Variants in EPHA6 observed in about 807,000 individuals in gnomAD.
EPHA6 encodes the protein EPH receptor A6, also known as ephrin type-A receptor 6.
EPHA6 carries 50 observed loss-of-function variants against 112.0 expected under a neutral mutation model. The ratio of observed to expected loss-of-function variants is 0.45; its 90% CI spans 0.36 to 0.56. The LOEUF is 0.56. EPHA6 is among the 20% of genes least tolerant of loss of function. The pLI, the probability that EPHA6 is intolerant of heterozygous loss-of-function variation, is 0.00. For synonymous variants in EPHA6, 529 were observed against 490.7 expected (o/e 1.08, Z -1.03); for missense variants, 1,280 against 1,417.4 (o/e 0.90, Z 1.56).
chr3:96,837,875 C>T (rs1348089338), intron 1 of EPHA6, among the ~76,000 whole-genome samples: 1 of 151,396 alleles, frequency 6.6e-6, no homozygotes, highest in Non-Finnish European at 1.5e-5. Flanking sequence ...TTTAAATTTC[C>T]AAATTTTACT....
chr3:96,829,923 A>G (rs1010319818), intron 1 of EPHA6, among the ~76,000 whole-genome samples: 4 of 148,494 alleles, frequency 2.7e-5, no homozygotes, highest in African/African-American at 1.0e-4. Flanking sequence ...GTCTGTATAC[A>G]CATGCACGTG....
At chr3:97,465,583 G>A (rs898031386) in intron 7 of EPHA6, among the ~76,000 whole-genome samples, 3 of 151,996 alleles carry the variant, frequency 2.0e-5, no homozygotes, top group Admixed American at 6.6e-5. Flanking sequence ...GTGTTCTTCA[G>A]AACAGGCTTC....
chr3:97,723,604 G>A (rs948066524), intron 15 of EPHA6, among the ~76,000 whole-genome samples: 1 of 152,162 alleles, frequency 6.6e-6, no homozygotes, highest in South Asian at 2.1e-4. Flanking sequence ...ACTAGGTAGG[G>A]TTTAAGCTGT....
intron 3 of EPHA6, among the ~76,000 whole-genome samples, chr3:97,128,581 T>C (rs2048246750): frequency 1.3e-5 from 2 of 152,136 alleles, no homozygotes; most frequent in South Asian, 2.1e-4. Flanking sequence ...TGCAGTAGCA[T>C]GATCTCGGCT....
At chr3:96,945,291 A>G (rs1390941959) in intron 2 of EPHA6, among the ~76,000 whole-genome samples, 1 of 152,158 alleles carries the variant, frequency 6.6e-6, no homozygotes, top group Non-Finnish European at 1.5e-5. Context: ...GTTTTCCTGT[A>G]TAGACCTGTG....
At chr3:97,283,846 G>T (rs2080373681) in intron 5 of EPHA6, among the ~76,000 whole-genome samples, 1 of 152,092 alleles carries the variant, frequency 6.6e-6, no homozygotes, top group Non-Finnish European at 1.5e-5. Flanking sequence ...ATGTTATAGA[G>T]ACTAAGTTAA....
At chr3:97,325,770 A>T (rs2082390223) in intron 5 of EPHA6, among the ~76,000 whole-genome samples, 1 of 151,940 alleles carries the variant, frequency 6.6e-6, no homozygotes, top group Admixed American at 6.6e-5. Flanking sequence ...TGAAATTCAT[A>T]CTCCTATGGG....
rs539841427 is a variant in EPHA6, at chr3:97,073,179, G to A, written c.1114+85186G>A. ...AAATAAGAAATTACAGATGTATGAT[G>A]TGTACATCTGCCTTATGAGATTTTT... is the stretch of plus-strand genomic sequence containing the variant. On this transcript the variant is annotated intron_variant, in intron 3 of 17. Coordinates refer to ENST00000389672, the MANE Select transcript of EPHA6 (RefSeq NM_001080448.3). Among the ~76,000 whole-genome samples, 8 of 152,264 alleles carry A rather than the reference G, an allele frequency of 5.3e-5. No homozygotes were observed. The South Asian group carries it at 1.2e-3, about 24-fold the overall frequency.
At chr3:97,172,503 A>G (rs968905375) in intron 3 of EPHA6, among the ~76,000 whole-genome samples, 4 of 152,026 alleles carry the variant, frequency 2.6e-5, no homozygotes, top group Non-Finnish European at 5.9e-5. Flanking sequence ...AAAATCTGTT[A>G]TTGGTACTTG....
intron 14 of EPHA6, among the ~76,000 whole-genome samples, chr3:97,651,392 GA>G (rs1266167295): frequency 2.0e-5 from 3 of 151,952 alleles, no homozygotes; most frequent in Non-Finnish European, 4.4e-5. Flanking sequence ...AGCAGAGGGG[GA>G]AAGTCTCTAA....
intron 2 of EPHA6, among the ~76,000 whole-genome samples, chr3:96,897,570 T>G (rs1302326919): frequency 6.6e-6 from 1 of 152,246 alleles, no homozygotes; most frequent in South Asian, 2.1e-4. Context: ...CCTCAAAATA[T>G]GCTCTTTTGC....
At chr3:96,816,542 G>A (rs578178445) in intron 1 of EPHA6, among the ~76,000 whole-genome samples, 90 of 152,156 alleles carry the variant, frequency 5.9e-4, no homozygotes, top group South Asian at 6.2e-4. Context: ...TTTAATAATT[G>A]GAAAGTCAGA....
intron 5 of EPHA6, among the ~76,000 whole-genome samples, chr3:97,280,070 G>C (rs1015372086): frequency 6.6e-6 from 1 of 152,170 alleles, no homozygotes; most frequent in Non-Finnish European, 1.5e-5. Context: ...ATTTTTAGTA[G>C]AGACAGAGTT....
At chr3:97,704,824 A>G (rs967351762) in intron 14 of EPHA6, among the ~76,000 whole-genome samples, 2 of 152,176 alleles carry the variant, frequency 1.3e-5, no homozygotes, top group African/African-American at 2.4e-5. Flanking sequence ...GGGAAATATT[A>G]AATCATGACT....
intron 2 of EPHA6, among the ~76,000 whole-genome samples, chr3:96,918,695 G>A (rs2039607285): frequency 1.3e-5 from 2 of 151,970 alleles, no homozygotes; most frequent in African/African-American, 2.4e-5. Context: ...TGGGCTTTAA[G>A]TATGTACAAA....
At chr3:97,211,197 T>G (rs924969718) in intron 3 of EPHA6, among the ~76,000 whole-genome samples, 1 of 152,186 alleles carries the variant, frequency 6.6e-6, no homozygotes, top group Non-Finnish European at 1.5e-5. Context: ...AAAGAACATA[T>G]GTTTTGAAAA....
chr3:97,592,719 C>A lies in EPHA6; in HGVS notation c.2494C>A (p.Pro832Thr). ...TCCAGTGCCAGGGGGAGGATCTTTG[C>A]CCCCCAGGATTCCTGCTGGTAGGTA... Reference protein sequence around the residue: ...PHPVPGGGSLPPRIPAGRPVM... With the variant: ...PHPVPGGGSLTPRIPAGRPVM... The change falls in exon 12 of 18, where the codon CCC (proline) becomes ACC (threonine). Residue 832 changes from proline to threonine, a missense_variant. By Grantham distance (38) the Pro-to-Thr change is conservative. This residue lies in a region of EPHA6 where 878 missense variants were observed against 999.7 expected (regional missense o/e 0.88). Transcript: ENST00000389672. 6.3e-7 allele frequency: 1 copy of A among 1,598,978 alleles called. No individual in the cohort carries two copies. Among genetic ancestry groups the A allele is most frequent in the South Asian group, 1.1e-5 (1 of 88,310 alleles).
intron 13 of EPHA6, among the ~76,000 whole-genome samples, chr3:97,616,925 C>T (rs1177478528): frequency 6.6e-6 from 1 of 152,046 alleles, no homozygotes; most frequent in Non-Finnish European, 1.5e-5. Context: ...TCAGGAAATG[C>T]AGAGAACCCC....
Position 97,316,365 on chromosome 3 carries a change from C to T in EPHA6, c.1606+72078C>T, listed in dbSNP as rs534115618. Among the ~76,000 whole-genome samples the T allele has an allele frequency of 1.2e-3, 187 of 151,940 alleles. 3 individuals are homozygous for T. Among genetic ancestry groups the T allele is most frequent in the African/African-American group, 4.5e-3 (185 of 41,432 alleles). On this transcript the variant is annotated intron_variant, in intron 5 of 17. Transcript: ENST00000389672. Reference sequence around the variant, plus strand: ...TGAAAACACTCTCTGATTAGATGTGCTCATATGCATTACATTGTGACCCCT... The same window carrying T: ...TGAAAACACTCTCTGATTAGATGTGTTCATATGCATTACATTGTGACCCCT...
Sources: gnomAD v4.1 joint callset for allele counts (sites outside exome capture counted in the v4.1 genomes callset) on GRCh38, gnomAD v4.1.1 for gene constraint, gnomAD v4.1.1 regional missense constraint, MANE v1.5 for transcripts, NCBI Gene and HGNC (gene_info 2026-07-23, HGNC 2026-07-21) for gene names.